NRXN1: variants seen among roughly 807,000 people sequenced by gnomAD.
NRXN1 encodes neurexin 1.
NRXN1 carries 39 observed loss-of-function variants against 150.9 expected under a neutral mutation model. The ratio of observed to expected loss-of-function variants is 0.26; its 90% CI spans 0.20 to 0.34. The LOEUF is 0.34. Among genes scored for constraint, NRXN1 ranks in the 10% least tolerant of loss-of-function variants. NRXN1 has a pLI of 1.00. For missense variants in NRXN1, 1,815 were observed against 1,949.9 expected, an observed-to-expected ratio of 0.93 and a Z score of 1.30; for synonymous variants, 924 against 757.0, an observed-to-expected ratio of 1.22 and a Z score of -3.62.
At chr2:50,708,867 T>A (rs1257490719) in intron 5 of NRXN1, among the ~76,000 whole-genome samples, 1 of 152,128 alleles carries the variant, frequency 6.6e-6, no homozygotes, top group African/African-American at 2.4e-5. Context: ...TACAGAAGCC[T>A]GAATCAAGAC....
chr2:50,996,710 T>G (rs1558849), intron 2 of NRXN1, among the ~76,000 whole-genome samples: 32,663 of 151,866 alleles, frequency 0.22, 4,687 homozygotes, highest in East Asian at 0.4. Context: ...TAGGTTAGAC[T>G]TATTCAAATG....
intron 18 of NRXN1, among the ~76,000 whole-genome samples, chr2:50,231,422 G>A (rs886775072): frequency 2.0e-5 from 3 of 151,986 alleles, no homozygotes; most frequent in African/African-American, 7.2e-5. Flanking sequence ...GTTATTTTGG[G>A]ACATGTAATA....
At chr2:50,230,337 T>G (rs2064823280) in intron 18 of NRXN1, among the ~76,000 whole-genome samples, 1 of 151,990 alleles carries the variant, frequency 6.6e-6, no homozygotes, top group Middle Eastern at 3.4e-3. Flanking sequence ...GAAAGATAAG[T>G]AGAAAAATGG....
intron 21 of NRXN1, among the ~76,000 whole-genome samples, chr2:50,040,980 A>G (rs1481811297): frequency 6.6e-6 from 1 of 152,078 alleles, no homozygotes; most frequent in Non-Finnish European, 1.5e-5. Flanking sequence ...CTCGTCATTT[A>G]CATTAGGTAT....
Position 50,167,406 on chromosome 2 carries a change from C to A in NRXN1, c.3546+69383G>T, listed in dbSNP as rs112201014. Among the ~76,000 whole-genome samples, 218 of 152,196 alleles carry A rather than the reference C, an allele frequency of 1.4e-3. 1 individual carries two copies. Among genetic ancestry groups the A allele is most frequent in the South Asian group, 4.4e-3 (21 of 4,820 alleles). ...CCATTTCATCTTGTCCTGCCTCCCC[C>A]CCGCCTGTTAATTTTAAAACACATG... is the stretch of plus-strand genomic sequence containing the variant. On this transcript the variant is annotated intron_variant, in intron 18 of 22. Transcript: ENST00000401669.
chr2:50,241,916 G>C lies in NRXN1; in HGVS notation c.3365-4946C>G, dbSNP rs561487047. 2.6e-5 allele frequency among the ~76,000 whole-genome samples: 4 copies of C among 151,792 alleles called. No homozygotes were observed. In the South Asian group the frequency reaches 8.3e-4, roughly 32 times the overall value. The stretch of plus-strand genomic sequence containing the variant: ...AAAAGAAAACCAATCAGCATGTACA[G>C]GTCTGCTCAATTATTGGTTGCTCTG... On this transcript the variant is annotated intron_variant, in intron 17 of 22. Coordinates refer to ENST00000401669, the MANE Select transcript of NRXN1 (RefSeq NM_001330078.2).
chr2:50,650,451 G>A (rs934959768), intron 5 of NRXN1, among the ~76,000 whole-genome samples: 8 of 151,916 alleles, frequency 5.3e-5, no homozygotes, highest in African/African-American at 9.7e-5. Flanking sequence ...TTTAAACATC[G>A]AATAAAAATG....
At chr2:50,446,113 G>A (rs1405952265) in intron 17 of NRXN1, among the ~76,000 whole-genome samples, 2 of 151,304 alleles carry the variant, frequency 1.3e-5, no homozygotes, top group Non-Finnish European at 2.9e-5. Context: ...GTAACTTTGT[G>A]TGAACTGGAA....
chr2:50,073,916 C>T (rs1193129729), intron 19 of NRXN1, among the ~76,000 whole-genome samples: 3 of 152,074 alleles, frequency 2.0e-5, no homozygotes, highest in Admixed American at 6.5e-5. Flanking sequence ...CAACTTGGTA[C>T]TTAATAGAGT....
rs768559185 is a variant in NRXN1, at chr2:50,346,703, G to T, written c.3365-109733C>A. ...ATCGCAGACCCACCGTGTCCGCCTC[G>T]CAAGGATGCCGGTGACCTGTAGATT... On this transcript the variant is annotated intron_variant, in intron 17 of 22. Coordinates refer to ENST00000401669, the MANE Select transcript of NRXN1 (RefSeq NM_001330078.2). The surrounding 1 kb of genome is among the most constrained non-coding windows in gnomAD (Gnocchi z 5.0). The T allele has an allele frequency of 1.5e-5, 25 of 1,613,418 alleles. No individual in the cohort carries two copies. The highest frequency in any genetic ancestry group is 2.2e-5 in the South Asian group (2 of 91,086).
chr2:50,669,273 A>T (rs1173376977), intron 5 of NRXN1, among the ~76,000 whole-genome samples: 1 of 152,006 alleles, frequency 6.6e-6, no homozygotes, highest in Non-Finnish European at 1.5e-5. Flanking sequence ...AGCAAAAAAC[A>T]GTTGAAAAAA....
intron 3 of NRXN1, among the ~76,000 whole-genome samples, chr2:50,924,528 G>T (rs1440070903): frequency 6.6e-6 from 1 of 151,534 alleles, no homozygotes; most frequent in East Asian, 1.9e-4. Flanking sequence ...AAGTTGAAAA[G>T]ATACCTCTAA....
chr2:50,752,994 T>C (rs1179407352), intron 5 of NRXN1, among the ~76,000 whole-genome samples: 1 of 151,974 alleles, frequency 6.6e-6, no homozygotes, highest in Non-Finnish European at 1.5e-5. Context: ...GCTCTTTATA[T>C]AAATACTACT....
chr2:51,027,282 A>G (rs1670649251), intron 2 of NRXN1, among the ~76,000 whole-genome samples: 1 of 152,164 alleles, frequency 6.6e-6, no homozygotes, highest in South Asian at 2.1e-4. Flanking sequence ...TCCAGAAGGA[A>G]CTCAAACTTG....
intron 17 of NRXN1, among the ~76,000 whole-genome samples, chr2:50,260,280 T>C (rs2068117331): frequency 6.6e-6 from 1 of 151,888 alleles, no homozygotes; most frequent in Non-Finnish European, 1.5e-5. Flanking sequence ...TTGAAAATTT[T>C]CATGATTTTT....
Position 50,190,414 on chromosome 2 carries a change from T to A in NRXN1, c.3546+46375A>T, listed in dbSNP as rs188279487. Among the ~76,000 whole-genome samples, 169 of 152,264 alleles carry A rather than the reference T, an allele frequency of 1.1e-3. 1 individual carries two copies. The highest frequency in any genetic ancestry group is 5.4e-3 in the South Asian group (26 of 4,828). On this transcript the variant is annotated intron_variant, in intron 18 of 22. Transcript: ENST00000401669. ...ACTTCAAAGAGAATTTTGTCTGAAA[T>A]ATATGGGACATTTTTACATCTCAAG...
At chr2:50,487,509 G>GT (rs1387219220) in intron 15 of NRXN1, among the ~76,000 whole-genome samples, 3 of 152,186 alleles carry the variant, frequency 2.0e-5, no homozygotes, top group Admixed American at 6.5e-5. Context: ...ACAGTGCTAT[G>GT]TCATTAAAAA....
intron 17 of NRXN1, among the ~76,000 whole-genome samples, chr2:50,465,164 A>T (rs925400827): frequency 1.4e-4 from 22 of 151,880 alleles, no homozygotes; most frequent in African/African-American, 5.3e-4. Flanking sequence ...ATTGTCATAT[A>T]TTGGAAATGA....
chr2:50,592,046 T>C (rs1674355424), intron 8 of NRXN1, among the ~76,000 whole-genome samples: 1 of 152,178 alleles, frequency 6.6e-6, no homozygotes, highest in South Asian at 2.1e-4. Context: ...GAGATAAGAA[T>C]AACCTCTACA....
Sources: gnomAD v4.1 joint callset for allele counts (sites outside exome capture counted in the v4.1 genomes callset) on GRCh38, gnomAD v4.1.1 for gene constraint, Gnocchi (gnomAD v3.1) non-coding constraint, MANE v1.5 for transcripts, NCBI Gene and HGNC (gene_info 2026-07-23, HGNC 2026-07-21) for gene names.